The following MORC3 variants were observed in gnomAD, a reference collection of about 807,000 sequenced individuals.
MORC3 encodes the protein MORC family CW-type zinc finger 3.
MORC3 carries 31 observed loss-of-function variants against 109.1 expected under a neutral mutation model. The ratio of observed to expected loss-of-function variants is 0.28; its 90% CI spans 0.21 to 0.38. The LOEUF is 0.38. Among genes scored for constraint, MORC3 ranks in the 10% least tolerant of loss-of-function variants. The pLI, the probability that MORC3 is intolerant of heterozygous loss-of-function variation, is 1.00. For synonymous variants in MORC3, 395 were observed against 380.7 expected (o/e 1.04, Z -0.44); for missense variants, 867 against 1,135.8 (o/e 0.76, Z 3.40).
intron 9 of MORC3, among the ~76,000 whole-genome samples, chr21:36,354,103 TAAGG>T (rs960822895): frequency 1.3e-5 from 2 of 151,352 alleles, no homozygotes; most frequent in Non-Finnish European, 2.9e-5. Flanking sequence ...AACAAAATCA[TAAGG>T]AAGAGAAAAT....
chr21:36,322,677 T>TA (rs1056694939), intron 1 of MORC3, among the ~76,000 whole-genome samples: 8 of 152,222 alleles, frequency 5.3e-5, no homozygotes, highest in African/African-American at 1.9e-4. Flanking sequence ...CGGCCCAATG[T>TA]ATACACATTT....
intron 8 of MORC3, among the ~76,000 whole-genome samples, chr21:36,346,987 CAG>C (rs1251693103): frequency 1.5e-5 from 2 of 133,916 alleles, no homozygotes; most frequent in African/African-American, 2.8e-5. Context: ...GCCTGGGCAA[CAG>C]AGTGAGACCC....
intron 2 of MORC3, among the ~76,000 whole-genome samples, chr21:36,335,607 C>T (rs1025035024): frequency 4.6e-5 from 7 of 152,066 alleles, no homozygotes; most frequent in African/African-American, 1.4e-4. Flanking sequence ...TGAGCCGCTG[C>T]GCCCAGCCCT....
At chr21:36,373,281 A>G (rs2085890759) in intron 16 of MORC3, among the ~76,000 whole-genome samples, 1 of 152,108 alleles carries the variant, frequency 6.6e-6, no homozygotes, top group Non-Finnish European at 1.5e-5. Flanking sequence ...TGGAGGTTGC[A>G]GTGAGCCGAG....
In MORC3 at chr21:36,369,183, A is replaced by G; in HGVS notation, c.1815A>G (p.Gln605=). ...AATCAGAACAGAGTCACGTTGAGCA[A>G]GGTGGTGTTCAGGTTGAGTTTGTGG... ...DMKSEQSHVE[Q]GGVQVEFVGD... is the part of the protein sequence containing the mutation. The change falls in exon 15 of 17, where the codon CAA becomes CAG. Residue 605 remains glutamine, a synonymous_variant. Coordinates refer to ENST00000400485, the MANE Select transcript of MORC3 (RefSeq NM_015358.3). The G allele has an allele frequency of 6.2e-7, 1 of 1,614,210 alleles. No homozygotes were observed. The highest frequency in any genetic ancestry group is 8.5e-7 in the Non-Finnish European group (1 of 1,180,038).
intron 15 of MORC3, among the ~76,000 whole-genome samples, chr21:36,371,362 C>G (rs915098882): frequency 4.6e-5 from 7 of 152,082 alleles, no homozygotes; most frequent in Non-Finnish European, 8.8e-5. Context: ...CCTGAAAAAC[C>G]CATCATAGGT....
intron 9 of MORC3, among the ~76,000 whole-genome samples, chr21:36,356,313 T>C (rs2085644528): frequency 6.6e-6 from 1 of 152,188 alleles, no homozygotes; most frequent in Non-Finnish European, 1.5e-5. Context: ...ATTTGCATGT[T>C]TTATGCATTC....
At chr21:36,330,381 A>G (rs929043593) in intron 1 of MORC3, among the ~76,000 whole-genome samples, 2 of 152,156 alleles carry the variant, frequency 1.3e-5, no homozygotes, top group African/African-American at 4.8e-5. Flanking sequence ...CCAGGTCCTT[A>G]GACAAACTCA....
At chr21:36,370,357 A>T (rs576320493) in intron 15 of MORC3, among the ~76,000 whole-genome samples, 34 of 152,152 alleles carry the variant, frequency 2.2e-4, no homozygotes, top group African/African-American at 7.5e-4. Context: ...TGGTTCTTCC[A>T]ATGTCTTGAG....
chr21:36,351,954 C>G (rs2085577696), intron 9 of MORC3, among the ~76,000 whole-genome samples: 1 of 152,098 alleles, frequency 6.6e-6, no homozygotes, highest in African/African-American at 2.4e-5. Context: ...TGTTAGTAAG[C>G]TCAAGAGTAC....
intron 9 of MORC3, among the ~76,000 whole-genome samples, chr21:36,354,291 T>C (rs905170067): frequency 1.3e-5 from 2 of 151,330 alleles, no homozygotes; most frequent in African/African-American, 4.8e-5. Context: ...GTCTGACTTA[T>C]TTCCATTTTT....
At chr21:36,350,486 A>G (rs1262153556) in intron 9 of MORC3, among the ~76,000 whole-genome samples, 1 of 151,562 alleles carries the variant, frequency 6.6e-6, no homozygotes, top group East Asian at 1.9e-4. Context: ...TGAGGCTGCA[A>G]TGAGCCGTGA....
At chr21:36,321,949 G>A (rs542051240) in intron 1 of MORC3, among the ~76,000 whole-genome samples, 2 of 152,330 alleles carry the variant, frequency 1.3e-5, no homozygotes, top group African/African-American at 4.8e-5. Flanking sequence ...CACTCTGGGT[G>A]TAGCTGCTGT....
intron 8 of MORC3, among the ~76,000 whole-genome samples, chr21:36,346,686 T>C (rs1409744795): frequency 2.0e-5 from 3 of 151,658 alleles, no homozygotes; most frequent in African/African-American, 7.3e-5. Flanking sequence ...GGTGCATGCC[T>C]GTGGTCCCAG....
At position 36,320,231 on chromosome 21, in the gene MORC3, CGGA is replaced by C; in HGVS notation, c.-31_-29del. On this transcript the variant is annotated 5_prime_UTR_variant, in exon 1 of 17. Transcript: ENST00000400485. ...CCGCCACCTCCCAGTCGGGTTGCGGCGGAGGCCGTTCCTGGCTTTGTAGCTCGC... is the reference window on the plus strand; with the variant it reads ...CCGCCACCTCCCAGTCGGGTTGCGGCGGCCGTTCCTGGCTTTGTAGCTCGC... 6.4e-7 allele frequency: 1 copy of C among 1,570,118 alleles called. No individual in the cohort carries two copies. The highest frequency in any genetic ancestry group is 8.6e-7 in the Non-Finnish European group (1 of 1,158,744).
chr21:36,372,518 A>T lies in MORC3; in HGVS notation c.2653A>T (p.Met885Leu). The change falls in exon 16 of 17, where the codon ATG becomes TTG. Residue 885 changes from methionine (M) to leucine (L), a missense_variant. Around this residue, in one of 7 missense-constraint regions of MORC3, gnomAD observed 486 missense variants for 502.1 expected, o/e 0.97. Coordinates refer to ENST00000400485, the MANE Select transcript of MORC3 (RefSeq NM_015358.3). ...TAACATTGAGGAGTCTGTAAATCAT[A>T]TGGATGGAGAAAGGTAATATTAAAT... ...SSNIEESVNH[M>L]DGESLKLRSL... is the part of the protein sequence containing the mutation. The T allele has an allele frequency of 6.3e-7, 1 of 1,582,202 alleles. No homozygotes were observed. The highest frequency in any genetic ancestry group is 8.5e-7 in the Non-Finnish European group (1 of 1,172,270).
At chr21:36,332,132 C>T (rs572390597) in intron 1 of MORC3, among the ~76,000 whole-genome samples, 8 of 151,180 alleles carry the variant, frequency 5.3e-5, no homozygotes, top group Admixed American at 5.3e-4. Context: ...CAGAGAGAGA[C>T]TATCTCTGAA....
intron 1 of MORC3, among the ~76,000 whole-genome samples, chr21:36,321,425 A>C (rs2085192388): frequency 6.6e-6 from 1 of 151,512 alleles, no homozygotes; most frequent in Admixed American, 6.6e-5. Flanking sequence ...GAGGATCTTT[A>C]TTGATTTGTA....
chr21:36,363,388 T>C lies in MORC3; in HGVS notation c.1453-705T>C, dbSNP rs571599320. 3.9e-5 allele frequency among the ~76,000 whole-genome samples: 6 copies of C among 152,314 alleles called. No individual in the cohort carries two copies. In the South Asian group the frequency reaches 1.2e-3, roughly 32 times the overall value. ...AAGATCACACCACTGCACTCCATCCTGGGGAACAGACTGAGACTCTGTCTC... is the reference window on the plus strand; with the variant it reads ...AAGATCACACCACTGCACTCCATCCCGGGGAACAGACTGAGACTCTGTCTC... On this transcript the variant is annotated intron_variant, in intron 13 of 16. Transcript: ENST00000400485.
Sources: allele counts gnomAD v4.1 joint callset (sites outside exome capture counted in the v4.1 genomes callset), GRCh38; gene constraint gnomAD v4.1.1; regional missense constraint gnomAD v4.1.1; transcripts MANE v1.5; gene names NCBI Gene and HGNC (gene_info 2026-07-23, HGNC 2026-07-21).